Variants in TCF12 observed in about 807,000 individuals in gnomAD.
TCF12 encodes transcription factor 12, also known as DNA-binding protein HTF4.
In TCF12, 45 loss-of-function variants were observed where a neutral mutation model predicts 86.0. The observed-to-expected ratio is 0.52, with a 90% confidence interval of 0.41 to 0.67. The LOEUF (loss-of-function observed/expected upper bound fraction) is 0.67, where lower values mean the gene tolerates loss of function less well. Ranked by LOEUF, TCF12 falls within the 30% of genes least tolerant of loss-of-function variation. The pLI is 0.00. For missense variants in TCF12, 881 were observed against 859.9 expected, an observed-to-expected ratio of 1.02 and a Z score of -0.31; for synonymous variants, 330 against 299.6, an observed-to-expected ratio of 1.10 and a Z score of -1.05.
intron 3 of TCF12, among the ~76,000 whole-genome samples, chr15:56,993,354 TCCTCTC>T (rs1224252533): frequency 2.6e-5 from 4 of 152,200 alleles, no homozygotes; most frequent in African/African-American, 9.7e-5. Flanking sequence ...ATGAGAACTT[TCCTCTC>T]CAGTTGACAA....
At chr15:57,233,936 A>T (rs1664059465) in intron 11 of TCF12, 107 bp from the exon 12 acceptor site, 2 of 844,798 alleles carry the variant, frequency 2.4e-6, no homozygotes, top group South Asian at 2.8e-5. Flanking sequence ...AGTTTACTGT[A>T]ACAGATGTGA....
At chr15:57,199,957 C>A (rs1483005554) in intron 8 of TCF12, among the ~76,000 whole-genome samples, 3 of 151,748 alleles carry the variant, frequency 2.0e-5, no homozygotes, top group African/African-American at 7.3e-5. Context: ...TCACTGCAAA[C>A]TACAGCCTTA....
intron 16 of TCF12, among the ~76,000 whole-genome samples, chr15:57,257,689 A>G (rs2060410999): frequency 6.7e-6 from 1 of 148,394 alleles, no homozygotes; most frequent in Admixed American, 6.7e-5. Flanking sequence ...GTATATATAT[A>G]TATATATATA....
Position 57,286,657 on chromosome 15 carries a change from C to G in TCF12, c.*512C>G, listed in dbSNP as rs1254225840. ...GTGACAACCATTGGCCCTTAGCATT[C>G]CCGGCATACCTATTAGTGTCTTAAA... On this transcript the variant is annotated 3_prime_UTR_variant, in exon 21 of 21. Transcript: ENST00000333725. The G allele has an allele frequency of 2.2e-6, 1 of 456,594 alleles. No individual in the cohort carries two copies. 28.3% of individuals were successfully genotyped at this position (456,594 alleles called of 1,614,324 possible).
At chr15:56,964,622 T>G (rs2061922425) in intron 3 of TCF12, among the ~76,000 whole-genome samples, 3 of 152,218 alleles carry the variant, frequency 2.0e-5, no homozygotes, top group African/African-American at 7.2e-5. Context: ...CTTCTCTAAC[T>G]CTTGATTAAC....
Position 57,265,313 on chromosome 15 carries a change from C to T in TCF12, c.1745+2039C>T, listed in dbSNP as rs1349399733. 3.3e-5 allele frequency among the ~76,000 whole-genome samples: 5 copies of T among 151,860 alleles called. No individual in the cohort carries two copies. In the East Asian group the frequency reaches 5.8e-4, roughly 18 times the overall value. Reference sequence around the variant, plus strand: ...TCATGTGGGTTTTCTCTAAGTACTCCGGTTTCTTCCTTCACCCCAAAAATG... The same window carrying T: ...TCATGTGGGTTTTCTCTAAGTACTCTGGTTTCTTCCTTCACCCCAAAAATG... On this transcript the variant is annotated intron_variant, in intron 18 of 20. Transcript: ENST00000333725.
At chr15:57,223,814 G>A (rs1451794526) in intron 8 of TCF12, among the ~76,000 whole-genome samples, 1 of 151,558 alleles carries the variant, frequency 6.6e-6, no homozygotes, top group Non-Finnish European at 1.5e-5. Flanking sequence ...GGTATTTATT[G>A]CTAGTTAACA....
At chr15:57,179,792 C>T (rs2056207500) in intron 6 of TCF12, among the ~76,000 whole-genome samples, 1 of 151,298 alleles carries the variant, frequency 6.6e-6, no homozygotes, top group Non-Finnish European at 1.5e-5. Context: ...TTTTCTGTTT[C>T]CCCCCTTCTT....
At chr15:57,133,263 GT>G (rs2052275881) in intron 5 of TCF12, among the ~76,000 whole-genome samples, 1 of 152,238 alleles carries the variant, frequency 6.6e-6, no homozygotes. Context: ...GCTTCAGGTT[GT>G]TTTAGCACTG....
In TCF12 at chr15:57,114,801, G is replaced by A. The variant is rs554936551; in HGVS notation, c.325+22910G>A. On this transcript the variant is annotated intron_variant, in intron 5 of 20. Coordinates refer to ENST00000333725, the MANE Select transcript of TCF12 (RefSeq NM_207037.2). ...AATATAGTTGGTTGAGTTTTAAGTT[G>A]TTGTATATCTTTGGCATCTAGCATA... is the stretch of plus-strand genomic sequence containing the variant. Among the ~76,000 whole-genome samples, 9 of 152,216 alleles carry A rather than the reference G, an allele frequency of 5.9e-5. 1 individual carries two copies. The highest frequency in any genetic ancestry group is 1.9e-4 in the African/African-American group (8 of 41,534).
intron 3 of TCF12, among the ~76,000 whole-genome samples, chr15:56,953,213 G>A (rs975463904): frequency 6.6e-6 from 1 of 151,732 alleles, no homozygotes; most frequent in African/African-American, 2.4e-5. Flanking sequence ...TGGCTATGAG[G>A]CATTATTCTT....
intron 6 of TCF12, among the ~76,000 whole-genome samples, chr15:57,187,988 G>T (rs2056772766): frequency 6.6e-6 from 1 of 151,566 alleles, no homozygotes. Context: ...GAAATAAAAG[G>T]TATCCAAATT....
intron 3 of TCF12, among the ~76,000 whole-genome samples, chr15:56,958,502 C>T (rs76360249): frequency 0.041 from 6,300 of 152,150 alleles, 369 homozygotes; most frequent in African/African-American, 0.13. Flanking sequence ...AAAATGCATT[C>T]CTCATTTGAT....
chr15:57,232,247 A>C lies in TCF12; in HGVS notation c.686-44A>C, dbSNP rs747175716. The C allele has an allele frequency of 3.1e-6, 5 of 1,609,218 alleles. No individual in the cohort carries two copies. The South Asian group carries it at 5.5e-5, about 18-fold the overall frequency. On this transcript the variant is annotated intron_variant, in intron 9 of 20. Coordinates refer to ENST00000333725, the MANE Select transcript of TCF12 (RefSeq NM_207037.2). ...TATAAGCAACATCAAAATACAAGAA[A>C]ATTTTTAGCTAAGGAAAATTTTATA...
intron 16 of TCF12, 98 bp downstream of exon 16, chr15:57,253,566 G>T: frequency 7.2e-7 from 1 of 1,391,438 alleles, no homozygotes. Context: ...CTGAAAGGAA[G>T]GCAAAGACTG....
intron 3 of TCF12, among the ~76,000 whole-genome samples, chr15:56,928,560 CTG>C (rs1418824537): frequency 6.6e-6 from 1 of 152,128 alleles, no homozygotes; most frequent in Non-Finnish European, 1.5e-5. Flanking sequence ...TATATGAAGT[CTG>C]AGAAGTAATC....
chr15:56,939,956 T>A (rs780608660), intron 3 of TCF12, among the ~76,000 whole-genome samples: 29 of 146,156 alleles, frequency 2.0e-4, no homozygotes, highest in Non-Finnish European at 3.3e-4. Context: ...GAAGTGATAC[T>A]TTAATAGCGT....
chr15:57,151,548 T>G (rs748476924), intron 5 of TCF12, among the ~76,000 whole-genome samples: 18 of 152,010 alleles, frequency 1.2e-4, no homozygotes, highest in Non-Finnish European at 1.3e-4. Context: ...GGACAGATCA[T>G]GAGATCAAGA....
intron 2 of TCF12, 73 bp from the exon 3 acceptor site, chr15:56,920,953 T>G: frequency 1.7e-6 from 2 of 1,203,748 alleles, no homozygotes; most frequent in Non-Finnish European, 1.1e-6. Flanking sequence ...ATGGATGACT[T>G]TTGGTGGACT....
Sources: allele counts gnomAD v4.1 joint callset (sites outside exome capture counted in the v4.1 genomes callset), GRCh38; gene constraint gnomAD v4.1.1; transcripts MANE v1.5; gene names NCBI Gene and HGNC (gene_info 2026-07-23, HGNC 2026-07-21).